Variants in ASIC1 observed in about 807,000 individuals in gnomAD.
ASIC1 encodes the protein acid sensing ion channel subunit 1, also known as acid-sensing ion channel 1.
A neutral mutation model predicts 63.4 loss-of-function variants in ASIC1; 21 were observed. The observed-to-expected ratio is 0.33, with a 90% CI of 0.23 to 0.48. The LOEUF (loss-of-function observed/expected upper bound fraction) is 0.48. Among genes scored for constraint, ASIC1 ranks in the 20% least tolerant of loss-of-function variants. The pLI is 0.99. For synonymous variants in ASIC1, 258 were observed against 278.2 expected (o/e 0.93, Z 0.72); for missense variants, 478 against 695.5 (o/e 0.69, Z 3.52).
intron 7 of ASIC1, 69 bp from the exon 8 acceptor site, chr12:50,079,833 A>G: frequency 6.6e-7 from 1 of 1,525,576 alleles, no homozygotes; most frequent in Non-Finnish European, 8.9e-7. Context: ...CAGAGCTAGG[A>G]TGTGCATGTG....
rs1208578007 is a variant in ASIC1 at position 50,080,420 on chromosome 12, G to A, written c.1206-78G>A. On this transcript the variant is annotated intron_variant, in intron 8 of 11. Transcript: ENST00000447966. ...ATGGAAACTGAGATTCAGAGAGGCT[G>A]CCTTGCCAAGGTCACCTGGTTAGTA... The A allele has an allele frequency of 2.2e-6, 3 of 1,382,606 alleles. No individual in the cohort carries two copies. In the Admixed American group the frequency reaches 5.7e-5, roughly 26 times the overall value. The allele number at this position is 1,382,606 out of a possible 1,614,324, so 85.6% of individuals were successfully genotyped here.
chr12:50,069,817 G>C (rs1316533427), intron 3 of ASIC1, among the ~76,000 whole-genome samples: 1 of 152,036 alleles, frequency 6.6e-6, no homozygotes, highest in Non-Finnish European at 1.5e-5. Context: ...TCCATGATGT[G>C]TTCTCCACTG....
At chr12:50,071,797 C>T (rs1950602767) in intron 3 of ASIC1, among the ~76,000 whole-genome samples, 2 of 152,204 alleles carry the variant, frequency 1.3e-5, no homozygotes, top group South Asian at 2.1e-4. Flanking sequence ...AGGTGCGTGC[C>T]ACCATACCTG....
chr12:50,077,203 C>A lies in ASIC1; in HGVS notation c.559-10C>A. The A allele has an allele frequency of 6.2e-7, 1 of 1,604,662 alleles. No homozygotes were observed. Among genetic ancestry groups the A allele is most frequent in the Non-Finnish European group, 8.5e-7 (1 of 1,174,546 alleles). Reference sequence around the variant, plus strand: ...CAGGACTCTTAGGCTCTCCACTCTGCCCTCGCCAGGTCTTCACACGCTATG... The same window carrying A: ...CAGGACTCTTAGGCTCTCCACTCTGACCTCGCCAGGTCTTCACACGCTATG... On this transcript the variant is annotated splice_polypyrimidine_tract_variant and intron_variant, in intron 3 of 11. Transcript: ENST00000447966.
At chr12:50,080,717 C>G in intron 9 of ASIC1, 128 bp downstream of exon 9, 1 of 1,613,318 alleles carries the variant, frequency 6.2e-7, no homozygotes, top group East Asian at 2.2e-5. Context: ...TCCCCAAACC[C>G]TGTTGTCTTG....
In ASIC1 at chr12:50,078,651, A is replaced by T. The variant is rs1950683527; in HGVS notation, c.994+74A>T. 4 of 1,588,642 alleles carry T rather than the reference A, an allele frequency of 2.5e-6. No homozygotes were observed. In the African/African-American group the frequency reaches 5.4e-5, roughly 21 times the overall value. On this transcript the variant is annotated intron_variant, in intron 6 of 11. Coordinates refer to ENST00000447966, the MANE Select transcript of ASIC1 (RefSeq NM_001095.4). The surrounding 1 kb of genome is among the most constrained non-coding windows in gnomAD (Gnocchi z 6.0). ...TGCCCTTCACTAGCTCCCCATCCAT[A>T]TCAATCTCCCAACCCCAGTTCCAGC...
intron 3 of ASIC1, chr12:50,070,941 C>G (rs758857462): frequency 6.6e-6 from 1 of 152,566 alleles, no homozygotes; most frequent in Non-Finnish European, 1.5e-5. Flanking sequence ...TCTGGTTGCC[C>G]TGGGTGTTCC....
At chr12:50,073,914 C>T (rs547550445) in intron 3 of ASIC1, 11 of 1,535,614 alleles carry the variant, frequency 7.2e-6, no homozygotes, top group Non-Finnish European at 8.7e-6. Flanking sequence ...TAGGGGACCG[C>T]GTTGCTTATT....
intron 3 of ASIC1, among the ~76,000 whole-genome samples, chr12:50,062,686 C>G (rs912369575): frequency 2.0e-5 from 3 of 152,184 alleles, no homozygotes; most frequent in Non-Finnish European, 4.4e-5. Flanking sequence ...CAATAAGAAC[C>G]CTGTTTCTCA....
Position 50,078,692 on chromosome 12 carries a change from C to G in ASIC1, c.994+115C>G. On this transcript the variant is annotated intron_variant, in intron 6 of 11. Coordinates refer to ENST00000447966, the MANE Select transcript of ASIC1 (RefSeq NM_001095.4). This position sits in a 1 kb window ranked among gnomAD's most constrained non-coding sequence, Gnocchi z 6.0. ...CAGTTCCAGCCCACCCCATCCCACA[C>G]CCACCTGGCTCATGTCTCTCTGACC... 1 of 1,486,012 alleles carries G rather than the reference C, an allele frequency of 6.7e-7. No individual in the cohort carries two copies. The highest frequency in any genetic ancestry group is 9.2e-7 in the Non-Finnish European group (1 of 1,083,800). 92.1% of individuals were successfully genotyped at this position (1,486,012 alleles called of 1,614,324 possible).
chr12:50,073,675 C>A (rs1475227482), intron 3 of ASIC1: 1 of 1,536,412 alleles, frequency 6.5e-7, no homozygotes, highest in Non-Finnish European at 8.7e-7. Flanking sequence ...CCACCACCAT[C>A]AGCAGCAGCA....
Position 50,081,458 on chromosome 12 carries a change from C to A in ASIC1, c.1483-87C>A, listed in dbSNP as rs1312222103. 7.3e-6 allele frequency: 11 copies of A among 1,506,434 alleles called. No individual in the cohort carries two copies. In the African/African-American group the frequency reaches 1.4e-4, roughly 19 times the overall value. The allele number at this position is 1,506,434 out of a possible 1,614,324, so 93.3% of individuals were successfully genotyped here. A position where few individuals can be genotyped will look rare whatever the true frequency, so the allele number is the denominator to read the frequency against. On this transcript the variant is annotated intron_variant, in intron 11 of 11. Coordinates refer to ENST00000447966, the MANE Select transcript of ASIC1 (RefSeq NM_001095.4). Reference sequence around the variant, plus strand: ...CCCGCCCACCCGCCTCTGCCACCACCTTCTCTCCTTTGCCTCCCGAATGCC... The same window carrying A: ...CCCGCCCACCCGCCTCTGCCACCACATTCTCTCCTTTGCCTCCCGAATGCC...
At chr12:50,064,085 G>A (rs1950524532) in intron 3 of ASIC1, among the ~76,000 whole-genome samples, 1 of 152,154 alleles carries the variant, frequency 6.6e-6, no homozygotes, top group Non-Finnish European at 1.5e-5. Context: ...GGTGGGAAGG[G>A]GGAACATGCA....
intron 3 of ASIC1, among the ~76,000 whole-genome samples, chr12:50,067,343 A>G (rs949428003): frequency 5.3e-5 from 8 of 150,108 alleles, no homozygotes; most frequent in African/African-American, 2.0e-4. Flanking sequence ...TCCAGCAAAT[A>G]TTTTTTTTAT....
intron 3 of ASIC1, among the ~76,000 whole-genome samples, chr12:50,067,410 GT>G (rs35238318): frequency 0.56 from 75,120 of 133,862 alleles, 20,023 homozygotes; most frequent in East Asian, 0.68. Flanking sequence ...TTCTGCTGTT[GT>G]TTTTTTTTTT....
chr12:50,073,897 T>C (rs2137834794), intron 3 of ASIC1: 1 of 1,534,810 alleles, frequency 6.5e-7, no homozygotes, highest in East Asian at 2.4e-5. Context: ...TGCCTTCCTG[T>C]GCCAGGTAGG....
In ASIC1 at chr12:50,078,021, G is replaced by T. The variant is rs762818064; in HGVS notation, c.731G>T (p.Gly244Val). The T allele has an allele frequency of 6.2e-7, 1 of 1,613,562 alleles. No individual in the cohort carries two copies. Among genetic ancestry groups the T allele is most frequent in the Non-Finnish European group, 8.5e-7 (1 of 1,179,702 alleles). The change falls in exon 5 of 12, where the codon GGC becomes GTC. Residue 244 changes from glycine to valine, a missense_variant. Coordinates refer to ENST00000447966, the MANE Select transcript of ASIC1 (RefSeq NM_001095.4). The surrounding 1 kb of genome is among the most constrained non-coding windows in gnomAD (Gnocchi z 6.0). Reference sequence around the variant, plus strand: ...CTAGACGAGACGTCCTTCGAAGCAGGCATCAAAGTGCAGATCCATAGTCAG... The same window carrying T: ...CTAGACGAGACGTCCTTCGAAGCAGTCATCAAAGTGCAGATCCATAGTCAG... The part of the protein sequence containing the change: ...GETDETSFEA[G>V]IKVQIHSQDE...
At position 50,074,188 on chromosome 12, in the gene ASIC1, A is replaced by G. The variant is rs913594355; in HGVS notation, c.559-3025A>G. The G allele has an allele frequency of 1.3e-6, 2 of 1,531,380 alleles. No individual in the cohort carries two copies. Among genetic ancestry groups the G allele is most frequent in the Admixed American group, 4.0e-5 (2 of 50,518 alleles). 94.9% of individuals were successfully genotyped at this position (1,531,380 alleles called of 1,614,324 possible). A position where few individuals can be genotyped will look rare whatever the true frequency, so the allele number is the denominator to read the frequency against. ...TCGCTCCTGCCACCGGCTGGAGGACATGCTGCTCTATTGCTCCTACCAAGG... is the reference window on the plus strand; with the variant it reads ...TCGCTCCTGCCACCGGCTGGAGGACGTGCTGCTCTATTGCTCCTACCAAGG... On this transcript the variant is annotated intron_variant, in intron 3 of 11. Transcript: ENST00000447966. The surrounding 1 kb of genome is among the most constrained non-coding windows in gnomAD (Gnocchi z 4.2).
At chr12:50,068,920 C>A (rs1184120130) in intron 3 of ASIC1, among the ~76,000 whole-genome samples, 1 of 152,186 alleles carries the variant, frequency 6.6e-6, no homozygotes, top group Non-Finnish European at 1.5e-5. Flanking sequence ...AGCAGCCCTT[C>A]TATATCCTTC....
Sources: gnomAD v4.1 joint callset for allele counts (sites outside exome capture counted in the v4.1 genomes callset) on GRCh38, gnomAD v4.1.1 for gene constraint, Gnocchi (gnomAD v3.1) non-coding constraint, MANE v1.5 for transcripts, NCBI Gene and HGNC (gene_info 2026-07-23, HGNC 2026-07-21) for gene names.